DHRSX: variants seen among roughly 807,000 people sequenced by gnomAD.
DHRSX encodes the protein dehydrogenase/reductase X-linked.
Under a neutral mutation model 34.0 loss-of-function variants are expected in DHRSX, and 31 were observed. That is an observed-to-expected ratio of 0.91 (90% CI 0.69 to 1.23). The LOEUF (loss-of-function observed/expected upper bound fraction) is 1.23, where lower values mean the gene tolerates loss of function less well. DHRSX is among the 50% of genes most tolerant of loss of function. DHRSX has a pLI of 0.00. For synonymous variants in DHRSX, 201 were observed against 183.8 expected, an observed-to-expected ratio of 1.09 and a Z score of -0.76; for missense variants, 414 against 428.1, an observed-to-expected ratio of 0.97 and a Z score of 0.29.
chrX:2,478,976 T>C (rs970373807), intron 1 of DHRSX, among the ~76,000 whole-genome samples: 2 of 149,210 alleles, frequency 1.3e-5, no homozygotes, highest in African/African-American at 5.0e-5. Flanking sequence ...CTGAAGACAT[T>C]CCCTAGGCAT....
chrX:2,283,898 ATTCCT>A (rs2041766607), intron 4 of DHRSX, among the ~76,000 whole-genome samples: 1 of 32,110 alleles, frequency 3.1e-5, no homozygotes, highest in Non-Finnish European at 7.6e-5. Context: ...GAATTCGTTC[ATTCCT>A]TTGAATTCAC....
chrX:2,435,418 T>C (rs1443432413), intron 1 of DHRSX, among the ~76,000 whole-genome samples: 3 of 151,204 alleles, frequency 2.0e-5, no homozygotes, highest in African/African-American at 7.3e-5. Context: ...TTCTTACAAC[T>C]GCTTATAAAT....
chrX:2,488,395 G>A (rs747586768), intron 1 of DHRSX: 7 of 479,176 alleles, frequency 1.5e-5, no homozygotes, highest in East Asian at 6.9e-5. Flanking sequence ...GGCTGGTCTC[G>A]ATCTCCTGAC....
intron 3 of DHRSX, among the ~76,000 whole-genome samples, chrX:2,306,093 A>G (rs1240830398): frequency 1.3e-5 from 2 of 152,110 alleles, no homozygotes; most frequent in Non-Finnish European, 2.9e-5. Flanking sequence ...ACAATCCTGC[A>G]TATGTACCCG....
chrX:2,232,119 C>G (rs1023734477), intron 6 of DHRSX, among the ~76,000 whole-genome samples: 5 of 150,460 alleles, frequency 3.3e-5, no homozygotes, highest in African/African-American at 9.8e-5. Flanking sequence ...TCTCCCTTCC[C>G]TTCCTCCTCT....
At position 2,276,657 on chromosome X, in the gene DHRSX, GA is replaced by G. The variant is rs1326624194; in HGVS notation, c.389-9711del. Among the ~76,000 whole-genome samples the G allele has an allele frequency of 3.9e-5, 6 of 152,044 alleles. 1 individual carries two copies. Among genetic ancestry groups the G allele is most frequent in the African/African-American group, 1.4e-4 (6 of 41,474 alleles). On this transcript the variant is annotated intron_variant, in intron 4 of 6. Coordinates refer to ENST00000334651, the MANE Select transcript of DHRSX (RefSeq NM_145177.3). ...CACAGGTGAGGTGTATCCTGAACGG[GA>G]GGAGAAGGGAGAGTTCTCCGCTCTC...
intron 1 of DHRSX, among the ~76,000 whole-genome samples, chrX:2,436,503 C>T (rs186263605): frequency 6.1e-5 from 5 of 81,592 alleles, no homozygotes; most frequent in Admixed American, 1.4e-4. Flanking sequence ...ATTATTACTA[C>T]TACTACTACT....
intron 3 of DHRSX, among the ~76,000 whole-genome samples, chrX:2,359,754 C>G (rs1311789422): frequency 6.6e-6 from 1 of 152,008 alleles, no homozygotes; most frequent in African/African-American, 2.4e-5. Flanking sequence ...TAAATAAGAA[C>G]AAGATCATGT....
intron 1 of DHRSX, among the ~76,000 whole-genome samples, chrX:2,426,989 A>G (rs1471883881): frequency 6.6e-6 from 1 of 152,234 alleles, no homozygotes. Context: ...GTCTGCCTCA[A>G]GGACATTTGG....
At chrX:2,237,256 C>T (rs1314596617) in intron 6 of DHRSX, among the ~76,000 whole-genome samples, 3 of 152,138 alleles carry the variant, frequency 2.0e-5, no homozygotes, top group East Asian at 1.9e-4. Flanking sequence ...GTCACCCTCT[C>T]GGCACATCAA....
intron 1 of DHRSX, among the ~76,000 whole-genome samples, chrX:2,467,422 G>C (rs2044513115): frequency 6.6e-6 from 1 of 152,116 alleles, no homozygotes; most frequent in Non-Finnish European, 1.5e-5. Context: ...CCAGCCTCAG[G>C]AACGCGGCAC....
intron 1 of DHRSX, among the ~76,000 whole-genome samples, chrX:2,450,584 C>T (rs1266496054): frequency 1.3e-5 from 2 of 152,058 alleles, no homozygotes; most frequent in South Asian, 2.1e-4. Flanking sequence ...GAAAGGTGGG[C>T]TTTCCCAGGT....
intron 3 of DHRSX, among the ~76,000 whole-genome samples, chrX:2,366,653 A>G (rs1003002113): frequency 6.6e-6 from 1 of 152,142 alleles, no homozygotes; most frequent in African/African-American, 2.4e-5. Flanking sequence ...GCTGAAGAGC[A>G]GTGGAGCAGT....
At chrX:2,349,397 A>G (rs764251788) in intron 3 of DHRSX, among the ~76,000 whole-genome samples, 1 of 152,144 alleles carries the variant, frequency 6.6e-6, no homozygotes, top group Non-Finnish European at 1.5e-5. Flanking sequence ...CCTTCAAAAG[A>G]AGGTAGTTGG....
intron 4 of DHRSX, among the ~76,000 whole-genome samples, chrX:2,275,674 A>G (rs1159075132): frequency 1.3e-5 from 2 of 151,470 alleles, no homozygotes; most frequent in African/African-American, 4.9e-5. Flanking sequence ...CTACAATTCC[A>G]ATTTCCATTA....
intron 1 of DHRSX, chrX:2,489,081 T>A: frequency 1.2e-6 from 2 of 1,613,786 alleles, no homozygotes; most frequent in South Asian, 2.2e-5. Flanking sequence ...TCGGCCAGCA[T>A]GTTGTTGATG....
At position 2,500,884 on chromosome X, in the gene DHRSX, G is replaced by A. The variant is rs990767212; in HGVS notation, c.42C>T (p.Tyr14=). ...LSAARAALRV[Y]AVGAAVILAQ... ...CCAGGATCACCGCGGCGCCTACCGC[G>A]TAGACCCGCAGGGCCGCCCGCGCCG... The change falls in exon 1 of 7, where the codon TAC becomes TAT. Residue 14 remains tyrosine, a synonymous_variant. Transcript: ENST00000334651. 12 of 1,150,382 alleles carry A rather than the reference G, an allele frequency of 1.0e-5. No individual in the cohort carries two copies. In the African/African-American group the frequency reaches 1.3e-4, roughly 13 times the overall value. 71.3% of individuals were successfully genotyped at this position (1,150,382 alleles called of 1,614,324 possible).
At chrX:2,458,642 G>C (rs5982960) in intron 1 of DHRSX, among the ~76,000 whole-genome samples, 34,882 of 151,906 alleles carry the variant, frequency 0.23, 4,520 homozygotes, top group African/African-American at 0.32. Context: ...CATAAACGCA[G>C]AGAGTGCAAT....
At chrX:2,347,193 C>A (rs767768691) in intron 3 of DHRSX, among the ~76,000 whole-genome samples, 1 of 152,260 alleles carries the variant, frequency 6.6e-6, no homozygotes, top group South Asian at 2.1e-4. Context: ...GGGGAAGCCT[C>A]ACAATCATGG....
Sources: gnomAD v4.1 joint callset for allele counts (sites outside exome capture counted in the v4.1 genomes callset) on GRCh38, gnomAD v4.1.1 for gene constraint, MANE v1.5 for transcripts, NCBI Gene and HGNC (gene_info 2026-07-23, HGNC 2026-07-21) for gene names.